Variants in JAKMIP2 observed in about 807,000 individuals in gnomAD.
The protein encoded by JAKMIP2 is janus kinase and microtubule-interacting protein 2.
A neutral mutation model predicts 115.0 loss-of-function variants in JAKMIP2; 25 were observed. The ratio of observed to expected loss-of-function variants is 0.22; its 90% CI spans 0.16 to 0.30. The LOEUF (loss-of-function observed/expected upper bound fraction) is 0.30. JAKMIP2 is among the 10% of genes least tolerant of loss of function. The pLI is 1.00. For synonymous variants in JAKMIP2, 334 were observed against 343.6 expected, an observed-to-expected ratio of 0.97 and a Z score of 0.31; for missense variants, 642 against 957.6, an observed-to-expected ratio of 0.67 and a Z score of 4.35.
intron 1 of JAKMIP2, among the ~76,000 whole-genome samples, chr5:147,762,935 A>G (rs1220375475): frequency 2.0e-5 from 3 of 152,142 alleles, no homozygotes. Context: ...AATCTTCTGG[A>G]AAGTTTTTTC....
chr5:147,669,618 T>G (rs1416402032), intron 2 of JAKMIP2, among the ~76,000 whole-genome samples: 1 of 152,206 alleles, frequency 6.6e-6, no homozygotes, highest in Non-Finnish European at 1.5e-5. Flanking sequence ...ATTGACAAGC[T>G]TCTTCCTAGG....
intron 1 of JAKMIP2, among the ~76,000 whole-genome samples, chr5:147,733,130 A>G (rs186162459): frequency 1.7e-3 from 256 of 152,312 alleles, no homozygotes; most frequent in Non-Finnish European, 2.4e-3. Flanking sequence ...ATTGATGAGC[A>G]CAATAGTTGA....
At chr5:147,692,097 TA>T (rs1751886151) in intron 1 of JAKMIP2, among the ~76,000 whole-genome samples, 2 of 152,016 alleles carry the variant, frequency 1.3e-5, no homozygotes, top group African/African-American at 4.8e-5. Flanking sequence ...AATGTCACCT[TA>T]CTTGGAAATA....
chr5:147,758,423 A>C (rs565545611), intron 1 of JAKMIP2, among the ~76,000 whole-genome samples: 1 of 152,314 alleles, frequency 6.6e-6, no homozygotes, highest in East Asian at 1.9e-4. Context: ...AAAAACTTAC[A>C]TAATCTGTAG....
intron 21 of JAKMIP2, among the ~76,000 whole-genome samples, chr5:147,596,442 C>T (rs1273078757): frequency 6.6e-6 from 1 of 152,068 alleles, no homozygotes; most frequent in African/African-American, 2.4e-5. Context: ...TTTGTCAATG[C>T]ATTCTTTAAG....
intron 1 of JAKMIP2, among the ~76,000 whole-genome samples, chr5:147,766,674 G>T (rs977827366): frequency 4.9e-4 from 74 of 152,272 alleles, no homozygotes; most frequent in African/African-American, 1.8e-3. Context: ...CATGCCCTGA[G>T]AGATGGGAGA....
At position 147,589,446 on chromosome 5, in the gene JAKMIP2, CA is replaced by C. The variant is rs33966431; in HGVS notation, c.*2260del. ...TGGGCAACAGAGCAAGACTCCATCTCAAAAAAAAAAAAAAAAAAGAATACAG... is the reference window on the plus strand; with the variant it reads ...TGGGCAACAGAGCAAGACTCCATCTCAAAAAAAAAAAAAAAAAGAATACAG... On this transcript the variant is annotated 3_prime_UTR_variant, in exon 22 of 22. Transcript: ENST00000616793. 24,350 of 126,350 alleles carry C rather than the reference CA, an allele frequency of 0.19. 2,166 individuals carry two copies. Among genetic ancestry groups the C allele is most frequent in the East Asian group, 0.35 (1,499 of 4,308 alleles). 7.8% of individuals were successfully genotyped at this position (126,350 alleles called of 1,614,324 possible).
intron 1 of JAKMIP2, among the ~76,000 whole-genome samples, chr5:147,677,980 T>TC (rs1363743158): frequency 6.6e-6 from 1 of 151,980 alleles, no homozygotes; most frequent in Non-Finnish European, 1.5e-5. Context: ...TCTCTATTCT[T>TC]CCCTCCCCAC....
chr5:147,689,473 G>A (rs549740717), intron 1 of JAKMIP2, among the ~76,000 whole-genome samples: 14 of 152,126 alleles, frequency 9.2e-5, no homozygotes, highest in Non-Finnish European at 1.9e-4. Context: ...GCTTGGAGAT[G>A]GTAGCGGCTT....
intron 1 of JAKMIP2, among the ~76,000 whole-genome samples, chr5:147,720,073 G>T (rs1412339552): frequency 6.6e-6 from 1 of 152,020 alleles, no homozygotes; most frequent in African/African-American, 2.4e-5. Flanking sequence ...GCATTTGCTT[G>T]TCTGTAAAGT....
In JAKMIP2 at chr5:147,641,751, A is replaced by C; in HGVS notation, c.1238T>G (p.Leu413Arg). ...TCTTCTATGCTTTCTTCTACGGATG[A>C]GCTTTTCTCGGTCCTGGAAAACAGA... The part of the protein sequence containing the change: ...IDELTRDREK[L>R]IRRRKHRRSS... The change falls in exon 8 of 22, where the codon CTC (leucine) becomes CGC (arginine). Residue 413 changes from leucine (L) to arginine (R), a missense_variant. Coordinates refer to ENST00000616793, the MANE Select transcript of JAKMIP2 (RefSeq NM_001270941.2). 1.2e-6 allele frequency: 2 copies of C among 1,613,116 alleles called. No individual in the cohort carries two copies. The highest frequency in any genetic ancestry group is 1.7e-6 in the Non-Finnish European group (2 of 1,179,290).
At chr5:147,722,105 G>C (rs1753334923) in intron 1 of JAKMIP2, among the ~76,000 whole-genome samples, 1 of 152,050 alleles carries the variant, frequency 6.6e-6, no homozygotes, top group Non-Finnish European at 1.5e-5. Context: ...TTAAAGACAA[G>C]GAACAGAATG....
chr5:147,623,528 T>A, intron 17 of JAKMIP2, 93 bp downstream of exon 17: 1 of 706,956 alleles, frequency 1.4e-6, no homozygotes, highest in Non-Finnish European at 2.5e-6. Context: ...CAAACTTTCA[T>A]CAGTGCCAGA....
intron 1 of JAKMIP2, among the ~76,000 whole-genome samples, chr5:147,708,509 C>A (rs1752664062): frequency 6.6e-6 from 1 of 152,192 alleles, no homozygotes. Context: ...TAATTACCAA[C>A]ACTTACATGT....
At chr5:147,725,212 G>T (rs745641566) in intron 1 of JAKMIP2, among the ~76,000 whole-genome samples, 3 of 151,978 alleles carry the variant, frequency 2.0e-5, no homozygotes, top group Non-Finnish European at 4.4e-5. Context: ...TCCAAAAATG[G>T]GATAAACTCT....
chr5:147,594,845 T>G (rs895368411), intron 21 of JAKMIP2, among the ~76,000 whole-genome samples: 6 of 152,156 alleles, frequency 3.9e-5, no homozygotes, highest in Non-Finnish European at 7.3e-5. Flanking sequence ...ATGAGTACAC[T>G]GAGACTGAAG....
At chr5:147,689,662 C>T (rs552403721) in intron 1 of JAKMIP2, among the ~76,000 whole-genome samples, 1 of 152,152 alleles carries the variant, frequency 6.6e-6, no homozygotes, top group Non-Finnish European at 1.5e-5. Flanking sequence ...ATGTATAAAG[C>T]TCTCACTCTA....
intron 21 of JAKMIP2, among the ~76,000 whole-genome samples, chr5:147,598,411 G>T (rs1755508390): frequency 8.1e-6 from 1 of 123,558 alleles, no homozygotes; most frequent in Non-Finnish European, 1.7e-5. Context: ...TCTTAATAAA[G>T]CCGCTCTCAT....
chr5:147,639,804 C>T lies in JAKMIP2; in HGVS notation c.1402-44G>A, dbSNP rs543071412. Reference sequence around the variant, plus strand: ...AGCCCCAAAACAATTGTGTTATGTTCAGGTCCTGTTTTCAATGTGAAATAT... The same window carrying T: ...AGCCCCAAAACAATTGTGTTATGTTTAGGTCCTGTTTTCAATGTGAAATAT... On this transcript the variant is annotated intron_variant, in intron 9 of 21. Coordinates refer to ENST00000616793, the MANE Select transcript of JAKMIP2 (RefSeq NM_001270941.2). 15 of 1,595,068 alleles carry T rather than the reference C, an allele frequency of 9.4e-6. No homozygotes were observed. In the African/African-American group the frequency reaches 1.6e-4, roughly 17 times the overall value.
Sources: gnomAD v4.1 joint callset for allele counts (sites outside exome capture counted in the v4.1 genomes callset) on GRCh38, gnomAD v4.1.1 for gene constraint, MANE v1.5 for transcripts, NCBI Gene and HGNC (gene_info 2026-07-23, HGNC 2026-07-21) for gene names.